The following GXYLT1 variants were observed in gnomAD, a reference collection of about 807,000 sequenced individuals.
The protein encoded by GXYLT1 is glucoside xylosyltransferase 1.
A neutral mutation model predicts 54.0 loss-of-function variants in GXYLT1; 29 were observed. That is an observed-to-expected ratio of 0.54 (90% CI 0.40 to 0.73). GXYLT1 has a LOEUF of 0.73. GXYLT1 is among the 30% of genes least tolerant of loss of function. GXYLT1 has a pLI of 0.00. For synonymous variants in GXYLT1, 176 were observed against 204.1 expected (o/e 0.86, Z 1.17); for missense variants, 490 against 553.4 (o/e 0.89, Z 1.15).
At chr12:42,095,837 G>A (rs969323536) in intron 7 of GXYLT1, among the ~76,000 whole-genome samples, 29 of 152,056 alleles carry the variant, frequency 1.9e-4, no homozygotes, top group African/African-American at 5.8e-4. Context: ...CTGAAAGATC[G>A]GAAAAAAAGA....
intron 1 of GXYLT1, 31 bp from the exon 2 acceptor site, chr12:42,129,882 G>C: frequency 7.0e-7 from 1 of 1,433,380 alleles, no homozygotes; most frequent in South Asian, 1.2e-5. Context: ...TAAGAGTCCT[G>C]TGTGAGTATT....
chr12:42,131,182 T>C (rs1254728321), intron 1 of GXYLT1, among the ~76,000 whole-genome samples: 1 of 152,196 alleles, frequency 6.6e-6, no homozygotes, highest in Non-Finnish European at 1.5e-5. Flanking sequence ...GTGATTTCTT[T>C]TCAAAATAAT....
chr12:42,124,649 T>C (rs1013306672), intron 2 of GXYLT1, among the ~76,000 whole-genome samples: 1 of 152,212 alleles, frequency 6.6e-6, no homozygotes, highest in Non-Finnish European at 1.5e-5. Context: ...ACAATGCTGG[T>C]GCAGGCTTAC....
chr12:42,141,000 G>A (rs1330694467), intron 1 of GXYLT1, among the ~76,000 whole-genome samples: 1 of 152,174 alleles, frequency 6.6e-6, no homozygotes, highest in South Asian at 2.1e-4. Flanking sequence ...CCACACTGAA[G>A]AGCTTGAGTA....
At chr12:42,113,662 G>C (rs2065473611) in intron 3 of GXYLT1, among the ~76,000 whole-genome samples, 2 of 150,824 alleles carry the variant, frequency 1.3e-5, no homozygotes, top group African/African-American at 2.5e-5. Context: ...AAGAGACTTA[G>C]ACTCCCACAC....
chr12:42,129,002 C>G (rs772108105), intron 2 of GXYLT1, among the ~76,000 whole-genome samples: 2 of 152,088 alleles, frequency 1.3e-5, no homozygotes, highest in African/African-American at 4.8e-5. Flanking sequence ...ATCATAAAGA[C>G]GCAGTAAATA....
At chr12:42,123,037 AAAAC>A (rs1386851335) in intron 2 of GXYLT1, among the ~76,000 whole-genome samples, 6 of 152,160 alleles carry the variant, frequency 3.9e-5, no homozygotes, top group African/African-American at 1.4e-4. Flanking sequence ...CTGCAAAACA[AAAAC>A]AAAAATATCA....
At chr12:42,141,738 G>T (rs541564480) in intron 1 of GXYLT1, among the ~76,000 whole-genome samples, 2 of 152,200 alleles carry the variant, frequency 1.3e-5, no homozygotes, top group South Asian at 4.2e-4. Flanking sequence ...TTAAAACACA[G>T]GCATGTGACA....
rs948464957 is a variant in GXYLT1, at chr12:42,084,594, C to T, written c.*3192G>A. ...GGGTACACTGATTGTACTTAAAAAC[C>T]TAAGGCACAGAGAAGGGTAAATAAC... is the stretch of plus-strand genomic sequence containing the variant. On this transcript the variant is annotated 3_prime_UTR_variant, in exon 8 of 8. Transcript: ENST00000398675. The T allele has an allele frequency of 2.0e-5, 3 of 152,308 alleles. No individual in the cohort carries two copies. Among genetic ancestry groups the T allele is most frequent in the East Asian group, 1.9e-4 (1 of 5,208 alleles). 9.4% of individuals were successfully genotyped at this position (152,308 alleles called of 1,614,324 possible). A position where few individuals can be genotyped will look rare whatever the true frequency, so the allele number is the denominator to read the frequency against.
Position 42,130,936 on chromosome 12 carries a change from A to G in GXYLT1, c.222-1085T>C, listed in dbSNP as rs949187029. Among the ~76,000 whole-genome samples the G allele has an allele frequency of 5.3e-5, 8 of 152,170 alleles. No individual in the cohort carries two copies. The South Asian group carries it at 6.2e-4, about 12-fold the overall frequency. On this transcript the variant is annotated intron_variant, in intron 1 of 7. Transcript: ENST00000398675. ...CACCCCAGCCTGGCTGAACACAGCA[A>G]AAGAGACTCTGTCTCAAACAAAAAC...
chr12:42,129,294 G>T (rs1184895663), intron 2 of GXYLT1, among the ~76,000 whole-genome samples: 1 of 152,142 alleles, frequency 6.6e-6, no homozygotes, highest in Admixed American at 6.5e-5. Context: ...TCCTCCATCT[G>T]CTCCTCCATT....
intron 7 of GXYLT1, among the ~76,000 whole-genome samples, chr12:42,096,786 G>A (rs2065358106): frequency 6.6e-6 from 1 of 152,108 alleles, no homozygotes; most frequent in Non-Finnish European, 1.5e-5. Flanking sequence ...TAACTACACT[G>A]TGGAGAAAAT....
intron 1 of GXYLT1, among the ~76,000 whole-genome samples, chr12:42,133,637 C>A (rs538705563): frequency 6.6e-6 from 1 of 152,182 alleles, no homozygotes; most frequent in African/African-American, 2.4e-5. Flanking sequence ...AACTAGCATC[C>A]GGTTCACAGT....
intron 7 of GXYLT1, among the ~76,000 whole-genome samples, chr12:42,092,434 A>C (rs1464297219): frequency 6.6e-6 from 1 of 152,146 alleles, no homozygotes; most frequent in Non-Finnish European, 1.5e-5. Context: ...AACAGCATAA[A>C]TCCAAACCTC....
intron 5 of GXYLT1, among the ~76,000 whole-genome samples, chr12:42,099,521 T>TA (rs1439386814): frequency 6.6e-6 from 1 of 152,216 alleles, no homozygotes; most frequent in Non-Finnish European, 1.5e-5. Context: ...GGGGGCTTGT[T>TA]ATTCCTCCAT....
chr12:42,129,998 A>G (rs2065585353), intron 1 of GXYLT1, 147 bp from the exon 2 acceptor site: 1 of 566,528 alleles, frequency 1.8e-6, no homozygotes, highest in Non-Finnish European at 3.1e-6. Flanking sequence ...AAGATTTTGG[A>G]AAACTGATTT....
chr12:42,129,986 T>C (rs1385008489), intron 1 of GXYLT1, 135 bp from the exon 2 acceptor site: 2 of 585,548 alleles, frequency 3.4e-6, no homozygotes, highest in African/African-American at 1.9e-5. Context: ...ATTGCTATGA[T>C]AAAGATTTTG....
chr12:42,116,089 G>C (rs2065492843), intron 3 of GXYLT1, among the ~76,000 whole-genome samples: 1 of 152,040 alleles, frequency 6.6e-6, no homozygotes, highest in Non-Finnish European at 1.5e-5. Context: ...GTAGAAAGCT[G>C]AAACTGGATC....
At position 42,144,493 on chromosome 12, in the gene GXYLT1, C is replaced by A. The variant is rs1355444783; in HGVS notation, c.154G>T (p.Gly52Cys). 1 of 1,350,016 alleles carries A rather than the reference C, an allele frequency of 7.4e-7. No individual in the cohort carries two copies. The highest frequency in any genetic ancestry group is 9.6e-7 in the Non-Finnish European group (1 of 1,042,512). 83.6% of individuals were successfully genotyped at this position (1,350,016 alleles called of 1,614,324 possible). ...GCGCCTCTCACGGCGCCGCGTCCGC[C>A]GCCCGCGAGCCAGGAAGCCACCGCG... ...QAAVASWLAG[G>C]GRGAVRGAGV... Residue 52 changes from glycine (G) to cysteine (C), a missense_variant, in exon 1 of 8, where the codon GGC (glycine) becomes TGC (cysteine). Transcript: ENST00000398675.
Sources: gnomAD v4.1 joint callset for allele counts (sites outside exome capture counted in the v4.1 genomes callset) on GRCh38, gnomAD v4.1.1 for gene constraint, MANE v1.5 for transcripts, NCBI Gene and HGNC (gene_info 2026-07-23, HGNC 2026-07-21) for gene names.